The following RUFY4 variants were observed in gnomAD, a reference collection of about 807,000 sequenced individuals.
RUFY4 encodes RUN and FYVE domain-containing protein 4.
In RUFY4, 73 loss-of-function variants were observed where a neutral mutation model predicts 69.0. The ratio of observed to expected loss-of-function variants is 1.06; its 90% CI spans 0.88 to 1.29. RUFY4 has a LOEUF of 1.29. Ranked by LOEUF, RUFY4 falls within the 50% of genes most tolerant of loss-of-function variation. The probability of loss-of-function intolerance (pLI) is 0.00; values close to 1 mark genes in which losing one functional copy is unlikely to be tolerated. For synonymous variants in RUFY4, 287 were observed against 271.8 expected (o/e 1.06, Z -0.55); for missense variants, 770 against 705.6 (o/e 1.09, Z -1.03).
At chr2:218,059,151 A>G (rs956739383) in intron 3 of RUFY4, 5 of 152,248 alleles carry the variant, frequency 3.3e-5, no homozygotes, top group Non-Finnish European at 5.9e-5. Flanking sequence ...TAAACACACA[A>G]AAGTGGTTTA....
rs1004703489 is a variant in RUFY4, at chr2:218,060,361, C to T, written c.-1071+1680C>T. On this transcript the variant is annotated intron_variant and NMD_transcript_variant, in intron 3 of 13. Coordinates refer to the RUFY4 transcript ENST00000457754. Reference sequence around the variant, plus strand: ...GTCTTAGAGAGTAGTGGAAGTGTGCCCTGAAGAAGAGCCAACAAAGGAAGG... The same window carrying T: ...GTCTTAGAGAGTAGTGGAAGTGTGCTCTGAAGAAGAGCCAACAAAGGAAGG... The T allele has an allele frequency of 1.6e-5, 24 of 1,543,956 alleles. No individual in the cohort carries two copies. In the Middle Eastern group the frequency reaches 1.1e-3, roughly 68 times the overall value.
exon 7 of RUFY4, chr2:218,075,375 A>G (rs1689601095): frequency 6.2e-7 from 1 of 1,613,118 alleles, no homozygotes; most frequent in African/African-American, 1.3e-5. Flanking sequence ...AACACCCAGC[A>G]CCCAGGGACA....
intron 7 of RUFY4, 101 bp downstream of exon 9, chr2:218,075,841 G>T: frequency 8.2e-7 from 1 of 1,216,156 alleles, no homozygotes; most frequent in Non-Finnish European, 1.1e-6. Context: ...CCTCCCACGG[G>T]TCAATTTTTA....
intron 2 of RUFY4, among the ~76,000 whole-genome samples, chr2:218,038,023 C>T (rs1292032911): frequency 6.6e-6 from 1 of 152,172 alleles, no homozygotes; most frequent in East Asian, 1.9e-4. Flanking sequence ...CATTATCCTC[C>T]TCAGTTCATT....
At chr2:218,081,078 C>A (rs1689750477) in intron 8 of RUFY4, among the ~76,000 whole-genome samples, 1 of 152,246 alleles carries the variant, frequency 6.6e-6, no homozygotes, top group Non-Finnish European at 1.5e-5. Context: ...CTAATTCCTT[C>A]CATGCTTCCA....
At chr2:218,053,346 C>CT (rs35134006) in intron 2 of RUFY4, among the ~76,000 whole-genome samples, 4,963 of 135,126 alleles carry the variant, frequency 0.037, 159 homozygotes, top group African/African-American at 0.087. Context: ...GATATTAAAC[C>CT]TTTTTTTTTT....
chr2:218,075,830 C>A, intron 7 of RUFY4, 90 bp downstream of exon 9: 1 of 1,236,358 alleles, frequency 8.1e-7, no homozygotes, highest in Non-Finnish European at 1.1e-6. Context: ...TGGGACCATT[C>A]CCTCCCACGG....
chr2:218,061,331 G>T, intron 3 of RUFY4: 1 of 264,926 alleles, frequency 3.8e-6, no homozygotes, highest in Non-Finnish European at 7.5e-6. Flanking sequence ...AAGGGGTAGG[G>T]TCATAGCTGA....
intron 2 of RUFY4, among the ~76,000 whole-genome samples, chr2:218,043,930 G>A (rs143030349): frequency 7.2e-5 from 11 of 152,356 alleles, no homozygotes; most frequent in Non-Finnish European, 1.0e-4. Context: ...GTCCAGAAGG[G>A]GGCTGAGGAG....
At chr2:218,071,996 C>T (rs1689499388) in intron 2 of RUFY4, among the ~76,000 whole-genome samples, 1 of 152,148 alleles carries the variant, frequency 6.6e-6, no homozygotes, top group Non-Finnish European at 1.5e-5. Flanking sequence ...GAATGAGTAC[C>T]CAGGCAAGGC....
At chr2:218,076,377 G>A (rs1012474514) in intron 7 of RUFY4, 50 bp from the exon 10 acceptor site, 1 of 1,541,042 alleles carries the variant, frequency 6.5e-7, no homozygotes, top group Admixed American at 2.0e-5. Flanking sequence ...CAGCACTGGG[G>A]TCTCTGCCCT....
intron 8 of RUFY4, among the ~76,000 whole-genome samples, chr2:218,079,374 C>T (rs1002655342): frequency 2.6e-5 from 4 of 152,286 alleles, no homozygotes; most frequent in South Asian, 4.1e-4. Flanking sequence ...GAAAGAAAGA[C>T]AGAAGTTGAG....
chr2:218,072,576 C>G (rs1424513617), intron 3 of RUFY4, 77 bp downstream of exon 5: 1 of 1,508,942 alleles, frequency 6.6e-7, no homozygotes, highest in Non-Finnish European at 8.8e-7. Flanking sequence ...CCACCCTGCT[C>G]TACCGACCAT....
intron 2 of RUFY4, among the ~76,000 whole-genome samples, chr2:218,050,077 C>T (rs1688910748): frequency 6.6e-6 from 1 of 152,180 alleles, no homozygotes; most frequent in African/African-American, 2.4e-5. Context: ...TTGGCTACTT[C>T]TGGATGATGT....
intron 2 of RUFY4, among the ~76,000 whole-genome samples, chr2:218,048,982 T>A (rs1245081948): frequency 2.0e-5 from 3 of 152,258 alleles, no homozygotes; most frequent in Non-Finnish European, 4.4e-5. Flanking sequence ...TTCTTTGTAA[T>A]ATTTAATCAT....
chr2:218,045,900 G>A (rs1051956368), intron 2 of RUFY4, among the ~76,000 whole-genome samples: 2 of 152,012 alleles, frequency 1.3e-5, no homozygotes, highest in African/African-American at 4.8e-5. Context: ...CGCCTCCGGG[G>A]TTCGCGCCAT....
chr2:218,070,534 G>T (rs1373876051), exon 1 of RUFY4: 28 of 1,282,666 alleles, frequency 2.2e-5, no homozygotes, highest in Non-Finnish European at 3.1e-5. Context: ...GAGAGAGCTG[G>T]GCAGTGAGGC....
At chr2:218,053,083 C>G (rs943141406) in intron 2 of RUFY4, among the ~76,000 whole-genome samples, 9 of 152,070 alleles carry the variant, frequency 5.9e-5, no homozygotes, top group Non-Finnish European at 1.2e-4. Context: ...CCTCAGCCTC[C>G]TAGGTAGCTG....
At chr2:218,075,646 A>G in exon 7 of RUFY4, 1 of 1,511,460 alleles carries the variant, frequency 6.6e-7, no homozygotes, top group Non-Finnish European at 8.8e-7. Context: ...ACAAAGGAAG[A>G]CTCTACCGTG....
Sources: gnomAD v4.1 joint callset for allele counts (sites outside exome capture counted in the v4.1 genomes callset) on GRCh38, gnomAD v4.1.1 for gene constraint, MANE v1.5 for transcripts, NCBI Gene and HGNC (gene_info 2026-07-23, HGNC 2026-07-21) for gene names.